The following CNTN6 variants were observed in gnomAD, a reference collection of about 807,000 sequenced individuals.
CNTN6 encodes the protein contactin-6.
Under a neutral mutation model 122.8 loss-of-function variants are expected in CNTN6, and 137 were observed. That is an observed-to-expected ratio of 1.12 (90% CI 0.97 to 1.29). The LOEUF is 1.29. Ranked by LOEUF, CNTN6 falls within the 50% of genes most tolerant of loss-of-function variation. CNTN6 has a pLI of 0.00. For missense variants in CNTN6, 1,634 were observed against 1,223.4 expected (o/e 1.34, Z -5.01); for synonymous variants, 570 against 426.0 (o/e 1.34, Z -4.16).
At chr3:1,388,339 G>A (rs903056048) in intron 20 of CNTN6, among the ~76,000 whole-genome samples, 1 of 145,730 alleles carries the variant, frequency 6.9e-6, no homozygotes, top group African/African-American at 2.5e-5. Context: ...CAACAGACCT[G>A]AAGCTGAGGG....
intron 4 of CNTN6, among the ~76,000 whole-genome samples, chr3:1,264,811 C>G (rs975887279): frequency 1.3e-5 from 2 of 151,970 alleles, no homozygotes; most frequent in Non-Finnish European, 2.9e-5. Context: ...AAAGCTTTTT[C>G]TTCCTGTTTC....
At chr3:1,155,244 T>C (rs2092936947) in intron 2 of CNTN6, among the ~76,000 whole-genome samples, 2 of 152,216 alleles carry the variant, frequency 1.3e-5, no homozygotes, top group South Asian at 2.1e-4. Flanking sequence ...AGTTAAAATA[T>C]TGTGAGTCGT....
In CNTN6 at chr3:1,249,193, A is replaced by T. The variant is rs1300780665; in HGVS notation, c.358+21200A>T. On this transcript the variant is annotated intron_variant, in intron 4 of 22. Transcript: ENST00000446702. ...GTCAACACAAGGTGATAGAAGGAAT[A>T]GCTCTATTATGATGTAAAGAAATCT... Among the ~76,000 whole-genome samples, 9 of 152,100 alleles carry T rather than the reference A, an allele frequency of 5.9e-5. No homozygotes were observed. The East Asian group carries it at 1.7e-3, about 29-fold the overall frequency.
intron 5 of CNTN6, among the ~76,000 whole-genome samples, chr3:1,281,971 T>C (rs544462674): frequency 1.7e-5 from 2 of 120,292 alleles, no homozygotes; most frequent in South Asian, 5.5e-4. Context: ...TTTAGTGTGA[T>C]ATATATAGGT....
chr3:1,248,926 C>A (rs1160852632), intron 4 of CNTN6, among the ~76,000 whole-genome samples: 1 of 152,218 alleles, frequency 6.6e-6, no homozygotes, highest in Non-Finnish European at 1.5e-5. Context: ...TTAACCGCTT[C>A]CTTAATCATT....
intron 7 of CNTN6, among the ~76,000 whole-genome samples, chr3:1,317,147 TTTG>T (rs1175398980): frequency 6.6e-6 from 1 of 151,846 alleles, no homozygotes; most frequent in Non-Finnish European, 1.5e-5. Context: ...CATTAAAAAC[TTTG>T]TTAACACAGA....
At chr3:1,387,346 C>G (rs1560001948) in intron 20 of CNTN6, among the ~76,000 whole-genome samples, 1 of 152,098 alleles carries the variant, frequency 6.6e-6, no homozygotes, top group African/African-American at 2.4e-5. Flanking sequence ...ATTCCTTTTC[C>G]TGTTTTACTC....
Position 1,329,902 on chromosome 3 carries a change from A to C in CNTN6, c.1331A>C (p.Lys444Thr). The C allele has an allele frequency of 6.2e-7, 1 of 1,610,014 alleles. No homozygotes were observed. Among genetic ancestry groups the C allele is most frequent in the Non-Finnish European group, 8.5e-7 (1 of 1,177,570 alleles). ...TTTCCCAGGGCAGCTATCTCTTGGA[A>C]AAGAGGAACGGAGACCCTTAGACAA... ...NAFPRAAISW[K>T]RGTETLRQSK... is the part of the protein sequence containing the mutation. Residue 444 changes from lysine to threonine, a missense_variant, in exon 11 of 23, where the codon AAA (lysine) becomes ACA (threonine). By Grantham distance (78) the Lys-to-Thr change is moderately conservative (BLOSUM62 -1). Coordinates refer to ENST00000446702, the MANE Select transcript of CNTN6 (RefSeq NM_001289080.2).
intron 11 of CNTN6, among the ~76,000 whole-genome samples, chr3:1,348,937 A>G (rs1209183647): frequency 6.6e-6 from 1 of 152,018 alleles, no homozygotes; most frequent in African/African-American, 2.4e-5. Context: ...GCCTCCATAA[A>G]TTTATAACAA....
intron 2 of CNTN6, among the ~76,000 whole-genome samples, chr3:1,161,918 T>G (rs80131103): frequency 0.015 from 2,238 of 152,210 alleles, 61 homozygotes; most frequent in African/African-American, 0.051. Flanking sequence ...ATTTAGATTT[T>G]GATATTTTAT....
In CNTN6 at chr3:1,157,582, C is replaced by G. The variant is rs778953587; in HGVS notation, c.55+9519C>G. On this transcript the variant is annotated intron_variant, in intron 2 of 22. Coordinates refer to ENST00000446702, the MANE Select transcript of CNTN6 (RefSeq NM_001289080.2). ...AGTCACCCTGTTGTGCTATCAAATA[C>G]TAGCTTTTATTTTTTCTAACTTTTA... Among the ~76,000 whole-genome samples, 66 of 152,234 alleles carry G rather than the reference C, an allele frequency of 4.3e-4. No individual in the cohort carries two copies. The Middle Eastern group carries it at 0.014, about 31-fold the overall frequency.
intron 4 of CNTN6, among the ~76,000 whole-genome samples, chr3:1,235,436 T>C (rs894252082): frequency 1.3e-5 from 2 of 150,830 alleles, no homozygotes; most frequent in Non-Finnish European, 3.0e-5. Flanking sequence ...ATTTCTATTG[T>C]TTATTTATAT....
intron 2 of CNTN6, among the ~76,000 whole-genome samples, chr3:1,158,812 A>ATGTGTG (rs2093039871): frequency 2.0e-5 from 1 of 50,920 alleles, no homozygotes; most frequent in African/African-American, 4.8e-5. Flanking sequence ...ACACACATAT[A>ATGTGTG]TATACACACA....
intron 1 of CNTN6, among the ~76,000 whole-genome samples, chr3:1,113,913 A>T (rs2091597039): frequency 6.6e-6 from 1 of 152,190 alleles, no homozygotes; most frequent in Non-Finnish European, 1.5e-5. Context: ...CTCCATGACT[A>T]CAGTATGGGC....
intron 4 of CNTN6, among the ~76,000 whole-genome samples, chr3:1,251,120 GA>G (rs1466665581): frequency 6.6e-6 from 1 of 152,126 alleles, no homozygotes; most frequent in African/African-American, 2.4e-5. Context: ...AGCCTTTGGT[GA>G]ATTTGGTATT....
chr3:1,395,917 A>C (rs1420782686), intron 20 of CNTN6, among the ~76,000 whole-genome samples: 1 of 152,198 alleles, frequency 6.6e-6, no homozygotes, highest in Non-Finnish European at 1.5e-5. Context: ...GGCCTCTGTT[A>C]GACTGATGAG....
chr3:1,214,463 C>G (rs2094101143), intron 2 of CNTN6, among the ~76,000 whole-genome samples: 1 of 151,426 alleles, frequency 6.6e-6, no homozygotes, highest in African/African-American at 2.4e-5. Context: ...CGCCCACCAC[C>G]ACGCCCAGCT....
intron 4 of CNTN6, among the ~76,000 whole-genome samples, 186 bp from the exon 5 acceptor site, chr3:1,278,227 A>T (rs534054012): frequency 3.3e-5 from 5 of 152,360 alleles, no homozygotes; most frequent in Non-Finnish European, 7.3e-5. Flanking sequence ...TTAAAAAGAA[A>T]GAAAGAAACA....
intron 11 of CNTN6, among the ~76,000 whole-genome samples, chr3:1,337,098 G>A (rs1173922542): frequency 3.3e-5 from 5 of 152,122 alleles, no homozygotes; most frequent in Non-Finnish European, 5.9e-5. Context: ...CATAATGCCT[G>A]ACACAGACAA....
Sources: gnomAD v4.1 joint callset for allele counts (sites outside exome capture counted in the v4.1 genomes callset) on GRCh38, gnomAD v4.1.1 for gene constraint, MANE v1.5 for transcripts, NCBI Gene and HGNC (gene_info 2026-07-23, HGNC 2026-07-21) for gene names.